CBFA2T2: variants seen among roughly 807,000 people sequenced by gnomAD.
CBFA2T2 encodes the protein protein CBFA2T2.
CBFA2T2 carries 11 observed loss-of-function variants against 62.2 expected under a neutral mutation model. The ratio of observed to expected loss-of-function variants is 0.18; its 90% CI spans 0.11 to 0.29. The LOEUF is 0.29. Ranked by LOEUF, CBFA2T2 falls within the 10% of genes least tolerant of loss-of-function variation. The pLI, the probability that CBFA2T2 is intolerant of heterozygous loss-of-function variation, is 1.00. For missense variants in CBFA2T2, 592 were observed against 774.1 expected, an observed-to-expected ratio of 0.76 and a Z score of 2.79; for synonymous variants, 295 against 287.5, an observed-to-expected ratio of 1.03 and a Z score of -0.27.
intron 3 of CBFA2T2, among the ~76,000 whole-genome samples, chr20:33,615,627 A>G (rs1295573423): frequency 1.3e-5 from 2 of 152,146 alleles, no homozygotes; most frequent in Non-Finnish European, 2.9e-5. Context: ...CTATAAAACA[A>G]AAATAATTAG....
chr20:33,611,291 C>G lies in CBFA2T2; in HGVS notation c.376C>G (p.Pro126Ala). 1 of 1,614,180 alleles carries G rather than the reference C, an allele frequency of 6.2e-7. No individual in the cohort carries two copies. The highest frequency in any genetic ancestry group is 8.5e-7 in the Non-Finnish European group (1 of 1,180,038). The change falls in exon 3 of 11, where the codon CCT becomes GCT. Residue 126 changes from proline to alanine, a missense_variant. Physicochemically the swap from Pro to Ala is conservative, Grantham distance 27. This residue lies in a region of CBFA2T2 where 449 missense variants were observed against 551.2 expected (regional missense o/e 0.81). Coordinates refer to ENST00000342704, the MANE Select transcript of CBFA2T2 (RefSeq NM_001032999.3). ...GCAACAGTTTGGCAATGACATCTCC[C>G]CTGAGATTGGGGAGAAGGTGCGGAC... ...TLQQFGNDIS[P>A]EIGEKVRTLV...
intron 1 of CBFA2T2, among the ~76,000 whole-genome samples, chr20:33,550,349 A>G (rs2012704058): frequency 6.6e-6 from 1 of 152,190 alleles, no homozygotes; most frequent in African/African-American, 2.4e-5. Flanking sequence ...CATTTAATAG[A>G]AATTTAATTC....
chr20:33,504,622 C>T (rs959883133), intron 1 of CBFA2T2, among the ~76,000 whole-genome samples: 3 of 151,916 alleles, frequency 2.0e-5, no homozygotes, highest in African/African-American at 4.8e-5. Context: ...CAGACTGTCT[C>T]GAAATCCTGA....
chr20:33,497,865 T>TA (rs1208832355), intron 1 of CBFA2T2, among the ~76,000 whole-genome samples: 1 of 152,010 alleles, frequency 6.6e-6, no homozygotes, highest in Non-Finnish European at 1.5e-5. Flanking sequence ...ATTTTTTTTA[T>TA]AGAGACAGGA....
chr20:33,629,940 C>T (rs375756652), intron 8 of CBFA2T2, 26 bp downstream of exon 8: 4 of 1,569,418 alleles, frequency 2.5e-6, no homozygotes, highest in Non-Finnish European at 3.4e-6. Context: ...ACGGGAAACC[C>T]AAAATAAATG....
chr20:33,596,637 A>T (rs2014904410), intron 1 of CBFA2T2, among the ~76,000 whole-genome samples: 1 of 152,154 alleles, frequency 6.6e-6, no homozygotes, highest in South Asian at 2.1e-4. Context: ...ACTTCCAGTA[A>T]GATACCTGTT....
At chr20:33,642,443 A>C (rs1443936266) in intron 10 of CBFA2T2, among the ~76,000 whole-genome samples, 1 of 152,034 alleles carries the variant, frequency 6.6e-6, no homozygotes, top group African/African-American at 2.4e-5. Context: ...TTCTGCCAAA[A>C]AAAAAATTTA....
chr20:33,600,689 T>C (rs1025915785), intron 1 of CBFA2T2, among the ~76,000 whole-genome samples: 1 of 152,060 alleles, frequency 6.6e-6, no homozygotes, highest in African/African-American at 2.4e-5. Flanking sequence ...CACCTTAACA[T>C]TGTGTTAAGA....
intron 3 of CBFA2T2, among the ~76,000 whole-genome samples, chr20:33,617,960 AATATATG>A (rs1214751230): frequency 6.6e-6 from 1 of 152,194 alleles, no homozygotes; most frequent in Non-Finnish European, 1.5e-5. Context: ...CCAGGCATTA[AATATATG>A]ATATAATATG....
chr20:33,641,039 C>CT lies in CBFA2T2; in HGVS notation c.1488+519dup, dbSNP rs895810658. On this transcript the variant is annotated intron_variant, in intron 10 of 10. Coordinates refer to ENST00000342704, the MANE Select transcript of CBFA2T2 (RefSeq NM_001032999.3). ...AGTGCAGGGTCCTATAGCACCTAGG[C>CT]TTTTTTTTTTTGAGACGGAGTCTCT... Among the ~76,000 whole-genome samples the CT allele has an allele frequency of 6.4e-3, 939 of 145,586 alleles. 2 individuals are homozygous for CT. Among genetic ancestry groups the CT allele is most frequent in the Non-Finnish European group, 8.1e-3 (533 of 65,722 alleles).
Position 33,607,027 on chromosome 20 carries a change from C to T in CBFA2T2, c.106C>T (p.Pro36Ser). The change falls in exon 2 of 11, where the codon CCT (proline) becomes TCT (serine). Residue 36 changes from proline to serine, a missense_variant. Physicochemically the swap from Pro to Ser is moderately conservative, Grantham distance 74. Around this residue, in one of 3 missense-constraint regions of CBFA2T2, gnomAD observed 449 missense variants for 551.2 expected, o/e 0.81. Transcript: ENST00000342704. ...VEVKIQSRSS[P>S]PTMPPLPPIN... is the part of the protein sequence containing the mutation. ...AGTGAAGATACAGTCCAGATCCTCACCTCCCACCATGCCACCCCTCCCACC... is the reference window on the plus strand; with the variant it reads ...AGTGAAGATACAGTCCAGATCCTCATCTCCCACCATGCCACCCCTCCCACC... 1 of 1,614,046 alleles carries T rather than the reference C, an allele frequency of 6.2e-7. No homozygotes were observed.
chr20:33,499,555 C>G (rs148764124), intron 1 of CBFA2T2, among the ~76,000 whole-genome samples: 2,506 of 152,302 alleles, frequency 0.016, 70 homozygotes, highest in African/African-American at 0.057. Context: ...GTTTCTGTCT[C>G]TGGCCCCTTG....
intron 1 of CBFA2T2, among the ~76,000 whole-genome samples, chr20:33,529,003 G>A (rs1015707467): frequency 6.6e-6 from 1 of 151,990 alleles, no homozygotes; most frequent in Non-Finnish European, 1.5e-5. Context: ...TGCACTACGC[G>A]TGGACCAGTT....
intron 1 of CBFA2T2, among the ~76,000 whole-genome samples, chr20:33,548,664 CAA>C (rs1388580369): frequency 6.6e-6 from 1 of 151,926 alleles, no homozygotes; most frequent in African/African-American, 2.4e-5. Flanking sequence ...CTGCATATAT[CAA>C]AATAAATTCT....
intron 1 of CBFA2T2, among the ~76,000 whole-genome samples, chr20:33,583,710 C>T (rs963603604): frequency 2.0e-5 from 3 of 152,162 alleles, no homozygotes; most frequent in Non-Finnish European, 2.9e-5. Flanking sequence ...TTTCATTAGA[C>T]AGATGCTGTC....
chr20:33,507,493 G>A (rs549796377), intron 1 of CBFA2T2, among the ~76,000 whole-genome samples: 9 of 152,290 alleles, frequency 5.9e-5, no homozygotes, highest in African/African-American at 1.9e-4. Context: ...GACTGGCTAT[G>A]TATTTAGCTA....
At chr20:33,616,092 GA>G (rs1568854533) in intron 3 of CBFA2T2, among the ~76,000 whole-genome samples, 5 of 143,522 alleles carry the variant, frequency 3.5e-5, no homozygotes, top group Non-Finnish European at 3.0e-5. Context: ...TAGATAGATA[GA>G]TAGATAGATA....
At chr20:33,517,637 A>G (rs2065204) in intron 1 of CBFA2T2, among the ~76,000 whole-genome samples, 138,099 of 150,566 alleles carry the variant, frequency 0.92, 64,187 homozygotes, top group Non-Finnish European at 1. Context: ...TAGTAGAGAT[A>G]AGGTTTGGTT....
At chr20:33,524,988 C>T (rs541541112) in intron 1 of CBFA2T2, among the ~76,000 whole-genome samples, 1 of 152,172 alleles carries the variant, frequency 6.6e-6, no homozygotes, top group African/African-American at 2.4e-5. Flanking sequence ...GTGTGTGGCA[C>T]CACGCCTGGC....
Sources: gnomAD v4.1 joint callset for allele counts (sites outside exome capture counted in the v4.1 genomes callset) on GRCh38, gnomAD v4.1.1 for gene constraint, gnomAD v4.1.1 regional missense constraint, MANE v1.5 for transcripts, NCBI Gene and HGNC (gene_info 2026-07-23, HGNC 2026-07-21) for gene names.